MRTFA: variants seen among roughly 807,000 people sequenced by gnomAD.
MRTFA encodes the protein myocardin-related transcription factor A.
In MRTFA, 20 loss-of-function variants were observed where a neutral mutation model predicts 83.5. The observed-to-expected ratio is 0.24, with a 90% CI of 0.17 to 0.35. MRTFA has a LOEUF of 0.35. MRTFA is among the 10% of genes least tolerant of loss of function. The pLI is 1.00. For missense variants in MRTFA, 1,200 were observed against 1,224.7 expected (o/e 0.98, Z 0.30); for synonymous variants, 659 against 541.2 (o/e 1.22, Z -3.02).
intron 3 of MRTFA, among the ~76,000 whole-genome samples, chr22:40,534,713 G>C (rs766947437): frequency 3.9e-5 from 6 of 152,200 alleles, no homozygotes; most frequent in African/African-American, 7.2e-5. Flanking sequence ...ATGATATTAA[G>C]ATTACTTTCA....
chr22:40,536,849 G>C, intron 3 of MRTFA, among the ~76,000 whole-genome samples: 1 of 31,194 alleles, frequency 3.2e-5, no homozygotes, highest in Non-Finnish European at 6.3e-5. Flanking sequence ...TCTGAGAAGT[G>C]AGGAGACCCT....
At chr22:40,596,709 C>T (rs189237489) in intron 1 of MRTFA, among the ~76,000 whole-genome samples, 76 of 152,168 alleles carry the variant, frequency 5.0e-4, no homozygotes, top group Non-Finnish European at 8.7e-4. Flanking sequence ...CGGAGGATGA[C>T]GCACAAGAAT....
intron 3 of MRTFA, among the ~76,000 whole-genome samples, chr22:40,493,448 C>A (rs951593599): frequency 6.6e-6 from 1 of 152,172 alleles, no homozygotes; most frequent in Non-Finnish European, 1.5e-5. Context: ...ACTCACAGGG[C>A]CAACAGGGGC....
rs769372093 is a variant in MRTFA at position 40,417,016 on chromosome 22, C to T, written c.2548G>A (p.Asp850Asn). 5.6e-6 allele frequency: 9 copies of T among 1,598,236 alleles called. No homozygotes were observed. Among genetic ancestry groups the T allele is most frequent in the Admixed American group, 5.2e-5 (3 of 57,630 alleles). Residue 850 changes from aspartate (D) to asparagine (N), a missense_variant, in exon 14 of 15, where the codon GAC becomes AAC. Coordinates refer to ENST00000355630, the MANE Select transcript of MRTFA (RefSeq NM_020831.6). ...CTCTGAATGAGAATGTCAAACAGGT[C>T]GTCCATCTGCTGGCTTGAGGAACCA...
At chr22:40,624,352 G>A (rs1459442343) in intron 1 of MRTFA, among the ~76,000 whole-genome samples, 1 of 150,744 alleles carries the variant, frequency 6.6e-6, no homozygotes, top group Non-Finnish European at 1.5e-5. Context: ...CCTGAACCCA[G>A]GAGGCAGAGG....
chr22:40,540,071 A>G (rs1254315507), intron 3 of MRTFA, among the ~76,000 whole-genome samples: 2 of 151,702 alleles, frequency 1.3e-5, no homozygotes, highest in African/African-American at 4.8e-5. Context: ...CACCATACTC[A>G]GCTAATATTT....
intron 3 of MRTFA, among the ~76,000 whole-genome samples, chr22:40,506,373 G>A (rs577542763): frequency 6.6e-6 from 1 of 152,320 alleles, no homozygotes; most frequent in East Asian, 1.9e-4. Context: ...GATCTCTGCA[G>A]TAAGGTAATT....
At chr22:40,604,426 G>A (rs892159096) in intron 1 of MRTFA, among the ~76,000 whole-genome samples, 1 of 150,654 alleles carries the variant, frequency 6.6e-6, no homozygotes, top group Non-Finnish European at 1.5e-5. Flanking sequence ...CACCGTACCC[G>A]GCCCTAAAAC....
intron 3 of MRTFA, among the ~76,000 whole-genome samples, chr22:40,481,997 G>A (rs187323238): frequency 2.9e-4 from 44 of 151,148 alleles, no homozygotes; most frequent in Middle Eastern, 3.5e-3. Context: ...GAGGCAGAGC[G>A]TGCAGTGAGC....
chr22:40,443,088 C>T (rs954537268), intron 4 of MRTFA, among the ~76,000 whole-genome samples: 5 of 152,024 alleles, frequency 3.3e-5, no homozygotes, highest in Non-Finnish European at 5.9e-5. Context: ...CCCGTCTCTA[C>T]TAAACAGACA....
At chr22:40,483,595 G>A (rs1457922307) in intron 3 of MRTFA, among the ~76,000 whole-genome samples, 1 of 151,522 alleles carries the variant, frequency 6.6e-6, no homozygotes, top group African/African-American at 2.4e-5. Flanking sequence ...TGAGGCAGGA[G>A]AATGGCATGA....
chr22:40,515,869 TCAAA>T (rs1471082070), intron 3 of MRTFA, among the ~76,000 whole-genome samples: 1 of 152,172 alleles, frequency 6.6e-6, no homozygotes, highest in African/African-American at 2.4e-5. Flanking sequence ...CAGTAGATTC[TCAAA>T]CAACTTCCAC....
chr22:40,535,501 T>C (rs1047638796), intron 3 of MRTFA, among the ~76,000 whole-genome samples: 1 of 151,844 alleles, frequency 6.6e-6, no homozygotes, highest in African/African-American at 2.4e-5. Context: ...TACAGGCATA[T>C]GCCACCACAC....
intron 3 of MRTFA, among the ~76,000 whole-genome samples, chr22:40,512,021 G>C (rs1002734039): frequency 6.6e-6 from 1 of 152,184 alleles, no homozygotes; most frequent in African/African-American, 2.4e-5. Context: ...AGGGAACATA[G>C]AACAGGTGAG....
chr22:40,423,222 C>T (rs2052879285), intron 9 of MRTFA, among the ~76,000 whole-genome samples: 2 of 152,246 alleles, frequency 1.3e-5, no homozygotes, highest in Admixed American at 1.3e-4. Context: ...TCTCTTGTAG[C>T]ACAGGGCTCT....
At chr22:40,463,361 GC>G in intron 3 of MRTFA, 75 bp from the exon 4 acceptor site, 1 of 1,286,022 alleles carries the variant, frequency 7.8e-7, no homozygotes, top group Non-Finnish European at 1.1e-6. Flanking sequence ...ATTTTCAAAC[GC>G]AAAAAAAGTC....
intron 1 of MRTFA, among the ~76,000 whole-genome samples, chr22:40,614,553 T>G (rs940849013): frequency 6.6e-6 from 1 of 152,330 alleles, no homozygotes; most frequent in South Asian, 2.1e-4. Flanking sequence ...AATGGCGCGA[T>G]CTCGGCTCAC....
At chr22:40,461,448 G>T (rs1404860337) in intron 4 of MRTFA, among the ~76,000 whole-genome samples, 1 of 151,648 alleles carries the variant, frequency 6.6e-6, no homozygotes, top group Non-Finnish European at 1.5e-5. Context: ...AGCCCAGGAG[G>T]TTGAGTTCAG....
intron 4 of MRTFA, among the ~76,000 whole-genome samples, chr22:40,462,651 T>C (rs1372530179): frequency 6.6e-6 from 1 of 152,200 alleles, no homozygotes; most frequent in Non-Finnish European, 1.5e-5. Context: ...TGGTTTCATT[T>C]TTCCCCTAAG....
Sources: allele counts gnomAD v4.1 joint callset (sites outside exome capture counted in the v4.1 genomes callset), GRCh38; gene constraint gnomAD v4.1.1; transcripts MANE v1.5; gene names NCBI Gene and HGNC (gene_info 2026-07-23, HGNC 2026-07-21).